SWAP70: variants seen among roughly 807,000 people sequenced by gnomAD.
The protein encoded by SWAP70 is switch-associated protein 70.
Under a neutral mutation model 80.2 loss-of-function variants are expected in SWAP70, and 34 were observed. The ratio of observed to expected loss-of-function variants is 0.42; its 90% CI spans 0.32 to 0.56. The LOEUF (loss-of-function observed/expected upper bound fraction) is 0.56. Among genes scored for constraint, SWAP70 ranks in the 20% least tolerant of loss-of-function variants. SWAP70 has a pLI of 0.09. For synonymous variants in SWAP70, 239 were observed against 238.5 expected (o/e 1.00, Z -0.02); for missense variants, 578 against 690.7 (o/e 0.84, Z 1.83).
At chr11:9,669,111 G>A (rs1012750589) in intron 1 of SWAP70, among the ~76,000 whole-genome samples, 1 of 152,226 alleles carries the variant, frequency 6.6e-6, no homozygotes, top group African/African-American at 2.4e-5. Flanking sequence ...GGAGCCATGA[G>A]ATTTTAAAGG....
At chr11:9,725,788 T>C (rs199976158) in intron 4 of SWAP70, among the ~76,000 whole-genome samples, 1 of 151,910 alleles carries the variant, frequency 6.6e-6, no homozygotes, top group Non-Finnish European at 1.5e-5. Context: ...GCCAGGACGG[T>C]CTCGATCTTT....
At chr11:9,720,521 G>A in intron 3 of SWAP70, 1 of 981,178 alleles carries the variant, frequency 1.0e-6, no homozygotes, top group Non-Finnish European at 1.2e-6. Context: ...CTTGACTTGT[G>A]CCAGGACATG....
chr11:9,734,220 A>G (rs962600235), intron 7 of SWAP70, among the ~76,000 whole-genome samples: 4 of 152,228 alleles, frequency 2.6e-5, no homozygotes, highest in African/African-American at 9.6e-5. Context: ...TAACCCCTGG[A>G]AACCACTGAT....
At chr11:9,664,308 C>T (rs1411043264) in intron 1 of SWAP70, 30 bp downstream of exon 1, 1 of 1,542,366 alleles carries the variant, frequency 6.5e-7, no homozygotes, top group Non-Finnish European at 8.8e-7. Context: ...GCCCCCCACC[C>T]GACCCTCCCC....
At chr11:9,727,447 A>G (rs1851240493) in intron 4 of SWAP70, among the ~76,000 whole-genome samples, 1 of 151,234 alleles carries the variant, frequency 6.6e-6, no homozygotes, top group Non-Finnish European at 1.5e-5. Flanking sequence ...CTGATCTTGA[A>G]CTCCTGGCCT....
intron 1 of SWAP70, among the ~76,000 whole-genome samples, chr11:9,686,344 CTTATTTATTTAT>C (rs139472434): frequency 1.4e-5 from 2 of 143,830 alleles, no homozygotes; most frequent in South Asian, 2.2e-4. Flanking sequence ...CTTTTATTTT[CTTATTTATTTAT>C]TTATTTATTT....
intron 1 of SWAP70, among the ~76,000 whole-genome samples, chr11:9,669,091 CAG>C (rs1850343020): frequency 6.6e-6 from 1 of 152,026 alleles, no homozygotes; most frequent in Non-Finnish European, 1.5e-5. Context: ...CTGAGTGTGA[CAG>C]AAGATATGGA....
chr11:9,740,961 A>G (rs1427245137), intron 9 of SWAP70: 1 of 154,638 alleles, frequency 6.5e-6, no homozygotes, highest in African/African-American at 2.4e-5. Flanking sequence ...TAAAATGAAG[A>G]CTCCCAAAGG....
At chr11:9,709,907 G>A (rs541465894) in intron 2 of SWAP70, among the ~76,000 whole-genome samples, 5 of 152,264 alleles carry the variant, frequency 3.3e-5, no homozygotes, top group African/African-American at 7.2e-5. Context: ...AATGTATTAT[G>A]TGCAGTTATT....
intron 1 of SWAP70, among the ~76,000 whole-genome samples, chr11:9,676,670 GAC>G: frequency 7.3e-6 from 1 of 137,156 alleles, no homozygotes; most frequent in Admixed American, 7.5e-5. Flanking sequence ...TTTTTTTTGA[GAC>G]GGAGTCTTGC....
At chr11:9,671,156 T>A (rs1023405127) in intron 1 of SWAP70, among the ~76,000 whole-genome samples, 2 of 126,510 alleles carry the variant, frequency 1.6e-5, no homozygotes, top group African/African-American at 6.1e-5. Context: ...TAAAAATATA[T>A]AAAATATATT....
intron 3 of SWAP70, chr11:9,720,471 G>T (rs1041398877): frequency 7.1e-6 from 7 of 985,294 alleles, no homozygotes; most frequent in Non-Finnish European, 1.2e-6. Context: ...GAATGACGTG[G>T]GTTCAGTAAG....
At chr11:9,700,425 G>A (rs1850816339) in intron 2 of SWAP70, among the ~76,000 whole-genome samples, 1 of 152,148 alleles carries the variant, frequency 6.6e-6, no homozygotes, top group Non-Finnish European at 1.5e-5. Flanking sequence ...TGCCAACAGT[G>A]ACTGAAGAAT....
intron 6 of SWAP70, among the ~76,000 whole-genome samples, chr11:9,729,771 C>A (rs575059352): frequency 1.3e-5 from 2 of 152,056 alleles, no homozygotes; most frequent in Non-Finnish European, 2.9e-5. Context: ...GGATTACAGG[C>A]GTGAGCCACT....
chr11:9,702,007 A>G (rs1850839361), intron 2 of SWAP70, among the ~76,000 whole-genome samples: 1 of 152,222 alleles, frequency 6.6e-6, no homozygotes, highest in South Asian at 2.1e-4. Context: ...GGTGCTTTCT[A>G]ACAGAAGCCT....
At chr11:9,672,195 C>CTATGTATATATATATA (rs530619499) in intron 1 of SWAP70, among the ~76,000 whole-genome samples, 3,558 of 78,330 alleles carry the variant, frequency 0.045, 293 homozygotes, top group Non-Finnish European at 0.065. Context: ...ATGTGTGTGT[C>CTATGTATATATATATA]TATATATATA....
chr11:9,668,497 G>C (rs548422333), intron 1 of SWAP70, among the ~76,000 whole-genome samples: 1 of 152,202 alleles, frequency 6.6e-6, no homozygotes, highest in South Asian at 2.1e-4. Flanking sequence ...TTTTATTTAG[G>C]TCTCCTTTTG....
At chr11:9,712,752 T>C (rs1370581667) in intron 2 of SWAP70, among the ~76,000 whole-genome samples, 1 of 151,160 alleles carries the variant, frequency 6.6e-6, no homozygotes, top group South Asian at 2.1e-4. Flanking sequence ...TTTTTTTTTT[T>C]TTTGAGATAG....
chr11:9,720,531 G>T, intron 3 of SWAP70: 1 of 972,664 alleles, frequency 1.0e-6, no homozygotes, highest in Non-Finnish European at 1.2e-6. Context: ...GCCAGGACAT[G>T]GTCATTCGGC....
Sources: allele counts gnomAD v4.1 joint callset (sites outside exome capture counted in the v4.1 genomes callset), GRCh38; gene constraint gnomAD v4.1.1; transcripts MANE v1.5; gene names NCBI Gene and HGNC (gene_info 2026-07-23, HGNC 2026-07-21).